Variants in UBE3A observed in about 807,000 individuals in gnomAD.
UBE3A encodes the protein ubiquitin protein ligase E3A.
In UBE3A, 6 loss-of-function variants were observed where a neutral mutation model predicts 83.4. The ratio of observed to expected loss-of-function variants is 0.07; its 90% CI spans 0.04 to 0.14. The LOEUF is 0.14. Among genes scored for constraint, UBE3A ranks in the 10% least tolerant of loss-of-function variants. UBE3A has a pLI of 1.00. For missense variants in UBE3A, 456 were observed against 1,036.1 expected (o/e 0.44, Z 7.69); for synonymous variants, 337 against 355.4 (o/e 0.95, Z 0.58).
At chr15:25,361,126 CTTTTTTTT>C (rs10713541) in intron 6 of UBE3A, among the ~76,000 whole-genome samples, 1 of 115,402 alleles carries the variant, frequency 8.7e-6, no homozygotes, top group African/African-American at 3.1e-5. Flanking sequence ...TGTCCTTACT[CTTTTTTTT>C]TTTTTTTTTG....
intron 6 of UBE3A, among the ~76,000 whole-genome samples, chr15:25,366,490 G>A (rs895708722): frequency 3.9e-5 from 6 of 152,080 alleles, no homozygotes; most frequent in African/African-American, 1.4e-4. Context: ...TGGTAGTGGG[G>A]CTTTTTATCT....
chr15:25,338,143 A>T lies in UBE3A; in HGVS notation c.*994T>A, dbSNP rs907848157. 1 of 152,110 alleles carries T rather than the reference A, an allele frequency of 6.6e-6. No homozygotes were observed. Among genetic ancestry groups the T allele is most frequent in the Non-Finnish European group, 1.5e-5 (1 of 67,970 alleles). The allele number at this position is 152,110 out of a possible 1,614,324, so 9.4% of individuals were successfully genotyped here. A position where few individuals can be genotyped will look rare whatever the true frequency, so the allele number is the denominator to read the frequency against. On this transcript the variant is annotated 3_prime_UTR_variant, in exon 13 of 13. Transcript: ENST00000648336. ...TGGCAACACGAAGGGGAGACTTTGG[A>T]TTGTCTATTTAAAATCTAGGTAATA...
intron 4 of UBE3A, among the ~76,000 whole-genome samples, chr15:25,387,657 A>G (rs925719128): frequency 2.0e-4 from 30 of 152,226 alleles, no homozygotes; most frequent in Non-Finnish European, 2.6e-4. Flanking sequence ...TGAAAACAAG[A>G]TATCAATAGA....
rs534724292 is a variant in UBE3A, at chr15:25,414,090, A to G, written c.-164-2119T>C. Among the ~76,000 whole-genome samples the G allele has an allele frequency of 3.1e-4, 47 of 152,306 alleles. 1 individual carries two copies. The South Asian group carries it at 9.5e-3, about 31-fold the overall frequency. ...TCTGGCATGGTATGCCTGCAACTAC[A>G]TATTACCAACGGTACACATCCATTT... On this transcript the variant is annotated intron_variant, in intron 1 of 12. Transcript: ENST00000648336.
intron 3 of UBE3A, chr15:25,408,075 C>G (rs570549496): frequency 6.5e-6 from 1 of 153,608 alleles, no homozygotes; most frequent in Non-Finnish European, 1.4e-5. Context: ...GTCTCTTAGC[C>G]GGGTGTGGTG....
chr15:25,366,315 G>A (rs1048460731), intron 6 of UBE3A, among the ~76,000 whole-genome samples: 3 of 152,124 alleles, frequency 2.0e-5, no homozygotes. Flanking sequence ...AAAGCTCTGT[G>A]AGTCAATGAA....
chr15:25,379,665 G>T (rs933156390), intron 4 of UBE3A, among the ~76,000 whole-genome samples: 1 of 152,088 alleles, frequency 6.6e-6, no homozygotes, highest in Admixed American at 6.5e-5. Context: ...GGGCCTCTAC[G>T]TTGGAAAAGT....
At chr15:25,437,074 T>G (rs1037564722) in intron 1 of UBE3A, among the ~76,000 whole-genome samples, 5 of 152,214 alleles carry the variant, frequency 3.3e-5, no homozygotes, top group African/African-American at 9.6e-5. Flanking sequence ...TGAAGCTATT[T>G]CCTTTTTTAT....
chr15:25,392,248 T>C (rs1033976216), intron 4 of UBE3A, among the ~76,000 whole-genome samples: 2 of 152,218 alleles, frequency 1.3e-5, no homozygotes, highest in African/African-American at 4.8e-5. Context: ...TCATCACTTT[T>C]CACTACTTAT....
intron 1 of UBE3A, chr15:25,422,064 A>G (rs189303435): frequency 1.2e-4 from 18 of 152,354 alleles, no homozygotes; most frequent in Admixed American, 1.1e-3. Context: ...TTCACCAGAA[A>G]ATGAATGAAC....
intron 1 of UBE3A, among the ~76,000 whole-genome samples, chr15:25,432,278 G>A (rs1893703028): frequency 6.6e-6 from 1 of 152,148 alleles, no homozygotes; most frequent in African/African-American, 2.4e-5. Context: ...TTAGGAGGTG[G>A]AAAGTTTCAG....
rs1179291219 is a variant in UBE3A, at chr15:25,370,459, TC to T, written c.1608+106del. 3.3e-5 allele frequency: 44 copies of T among 1,314,564 alleles called. 1 individual carries two copies. The East Asian group carries it at 9.9e-4, about 30-fold the overall frequency. 81.4% of individuals were successfully genotyped at this position (1,314,564 alleles called of 1,614,324 possible). On this transcript the variant is annotated intron_variant, in intron 6 of 12. Coordinates refer to ENST00000648336, the MANE Select transcript of UBE3A (RefSeq NM_130839.5). The surrounding 1 kb of genome is among the most constrained non-coding windows in gnomAD (Gnocchi z 4.2). ...TATAAGATCAGAAATGTCCATGTGT[TC>T]CTATGCTATATGGTATCATTTTTTT...
chr15:25,421,633 T>C (rs543590815), intron 1 of UBE3A, among the ~76,000 whole-genome samples: 51 of 152,278 alleles, frequency 3.3e-4, no homozygotes, highest in African/African-American at 1.2e-3. Flanking sequence ...CAGAGATGGA[T>C]AGTGGTGATG....
At chr15:25,421,792 A>G (rs1191112041) in intron 1 of UBE3A, 1 of 152,190 alleles carries the variant, frequency 6.6e-6, no homozygotes, top group Non-Finnish European at 1.5e-5. Flanking sequence ...AACGTGTGCA[A>G]TTAAAGACTG....
At chr15:25,426,622 T>C (rs1308719745) in intron 1 of UBE3A, among the ~76,000 whole-genome samples, 1 of 152,206 alleles carries the variant, frequency 6.6e-6, no homozygotes, top group Non-Finnish European at 1.5e-5. Flanking sequence ...AAATTTGATT[T>C]AGTGACAAAA....
chr15:25,351,709 G>T (rs771877440), intron 11 of UBE3A, among the ~76,000 whole-genome samples: 1 of 152,148 alleles, frequency 6.6e-6, no homozygotes, highest in Non-Finnish European at 1.5e-5. Context: ...GGCTTCCGGT[G>T]ATCTGCCCGC....
intron 7 of UBE3A, among the ~76,000 whole-genome samples, chr15:25,360,176 C>G (rs11856839): frequency 1.3e-5 from 2 of 152,248 alleles, no homozygotes; most frequent in African/African-American, 4.8e-5. Flanking sequence ...AATATTCCTT[C>G]TAAGAAATAA....
Position 25,338,443 on chromosome 15 carries a change from T to TTTAA in UBE3A, c.*690_*693dup, listed in dbSNP as rs1040031361. On this transcript the variant is annotated 3_prime_UTR_variant, in exon 13 of 13. Transcript: ENST00000648336. ...TACTGTGGCATGAGTTGTTTTTGTT[T>TTTAA]TTAATTTGTTGTGCTGTTACTAAAG... 1.3e-5 allele frequency: 2 copies of TTTAA among 152,088 alleles called. No individual in the cohort carries two copies. The highest frequency in any genetic ancestry group is 4.8e-5 in the African/African-American group (2 of 41,428). The allele number at this position is 152,088 out of a possible 1,614,324, so 9.4% of individuals were successfully genotyped here.
At chr15:25,368,406 A>G (rs2079687112) in intron 6 of UBE3A, among the ~76,000 whole-genome samples, 1 of 152,128 alleles carries the variant, frequency 6.6e-6, no homozygotes, top group African/African-American at 2.4e-5. Flanking sequence ...GAAAAGGAAG[A>G]AAAAGCAAGG....
Sources: allele counts gnomAD v4.1 joint callset (sites outside exome capture counted in the v4.1 genomes callset), GRCh38; gene constraint gnomAD v4.1.1; non-coding constraint Gnocchi (gnomAD v3.1); transcripts MANE v1.5; gene names NCBI Gene and HGNC (gene_info 2026-07-23, HGNC 2026-07-21).